Variants in IL17RD observed in about 807,000 individuals in gnomAD.
The protein encoded by IL17RD is interleukin 17 receptor D.
IL17RD carries 52 observed loss-of-function variants against 80.5 expected under a neutral mutation model. The observed-to-expected ratio is 0.65, with a 90% confidence interval of 0.52 to 0.81. IL17RD has a LOEUF of 0.81. Ranked by LOEUF, IL17RD falls within the 40% of genes least tolerant of loss-of-function variation. IL17RD has a pLI of 0.00. For missense variants in IL17RD, 1,024 were observed against 955.1 expected, an observed-to-expected ratio of 1.07 and a Z score of -0.95; for synonymous variants, 416 against 391.8, an observed-to-expected ratio of 1.06 and a Z score of -0.73.
At chr3:57,153,753 T>C (rs2060246145) in intron 1 of IL17RD, among the ~76,000 whole-genome samples, 1 of 152,222 alleles carries the variant, frequency 6.6e-6, no homozygotes, top group Admixed American at 6.5e-5. Context: ...GGAATCCCCA[T>C]GTGGGGCTGT....
At chr3:57,127,306 A>T (rs1707497908) in intron 1 of IL17RD, among the ~76,000 whole-genome samples, 1 of 85,426 alleles carries the variant, frequency 1.2e-5, no homozygotes. Context: ...ATATATATAA[A>T]AATATATAAA....
Position 57,146,035 on chromosome 3 carries a change from G to A in IL17RD, c.126+19126C>T, listed in dbSNP as rs942902011. Among the ~76,000 whole-genome samples, 23 of 151,382 alleles carry A rather than the reference G, an allele frequency of 1.5e-4. No homozygotes were observed. In the South Asian group the frequency reaches 4.2e-3, roughly 27 times the overall value. ...CGTGCGCGCACACACACACTCACGC[G>A]CGCGCGCGCGCACACACACACACAC... On this transcript the variant is annotated intron_variant, in intron 1 of 12. Coordinates refer to ENST00000296318, the MANE Select transcript of IL17RD (RefSeq NM_017563.5).
Position 57,099,476 on chromosome 3 carries a change from A to G in IL17RD, c.1165-938T>C, listed in dbSNP as rs192150758. On this transcript the variant is annotated intron_variant, in intron 11 of 12. Coordinates refer to ENST00000296318, the MANE Select transcript of IL17RD (RefSeq NM_017563.5). ...TTCCTTCTGTAGTTATTAATTCCCA[A>G]TGGCTATGACGAAACACAGCAGCCA... Among the ~76,000 whole-genome samples the G allele has an allele frequency of 3.3e-5, 5 of 152,312 alleles. No homozygotes were observed. In the East Asian group the frequency reaches 5.8e-4, roughly 18 times the overall value.
At chr3:57,127,335 TAAA>T (rs375102936) in intron 1 of IL17RD, among the ~76,000 whole-genome samples, 3,402 of 89,960 alleles carry the variant, frequency 0.038, 557 homozygotes, top group African/African-American at 0.16. Flanking sequence ...TAAATATATA[TAAA>T]AATATATATA....
intron 1 of IL17RD, among the ~76,000 whole-genome samples, chr3:57,121,769 A>G (rs1435653020): frequency 6.6e-6 from 1 of 152,198 alleles, no homozygotes; most frequent in African/African-American, 2.4e-5. Context: ...TGCAGATGGC[A>G]GACACCACAG....
intron 11 of IL17RD, among the ~76,000 whole-genome samples, chr3:57,099,470 T>C (rs921191227): frequency 6.6e-6 from 1 of 152,226 alleles, no homozygotes; most frequent in African/African-American, 2.4e-5. Flanking sequence ...TAGTTATTAA[T>C]TCCCAATGGC....
intron 11 of IL17RD, among the ~76,000 whole-genome samples, chr3:57,100,051 T>C (rs972654708): frequency 2.6e-5 from 4 of 152,256 alleles, no homozygotes; most frequent in Non-Finnish European, 5.9e-5. Flanking sequence ...GACAATGTTT[T>C]ATTTATCATC....
rs1353959261 is a variant in IL17RD at position 57,127,243 on chromosome 3, TATATATATAA to T, written c.127-6940_127-6931del. Among the ~76,000 whole-genome samples, 130 of 76,996 alleles carry T rather than the reference TATATATATAA, an allele frequency of 1.7e-3. 14 individuals are homozygous for T. The highest frequency in any genetic ancestry group is 3.6e-3 in the African/African-American group (52 of 14,248). 50.5% of individuals were successfully genotyped at this position (76,996 alleles called of 152,430 possible). On this transcript the variant is annotated intron_variant, in intron 1 of 12. Coordinates refer to ENST00000296318, the MANE Select transcript of IL17RD (RefSeq NM_017563.5). ...ATAAATATATATAAAAATATATAAA[TATATATATAA>T]ATATATATAAATATATATAAAAATA...
chr3:57,110,195 T>C lies in IL17RD; in HGVS notation c.427A>G (p.Thr143Ala), dbSNP rs748077970. ...GCACGTTCCCCAGTGTGACTTACAG[T>C]TCTTTTGAAGCTACTGTTGAGCTGC... ...PKQLNSSFKR[T>A]GMESQPFLNM... The change falls in exon 4 of 13, where the codon ACT (threonine) becomes GCT (alanine). Residue 143 changes from threonine (T) to alanine (A), a missense_variant and splice_region_variant. By Grantham distance (58) the Thr-to-Ala change is moderately conservative. Coordinates refer to ENST00000296318, the MANE Select transcript of IL17RD (RefSeq NM_017563.5). The C allele has an allele frequency of 1.9e-6, 3 of 1,591,506 alleles. No homozygotes were observed. Among genetic ancestry groups the C allele is most frequent in the Non-Finnish European group, 2.6e-6 (3 of 1,167,862 alleles).
At chr3:57,117,113 A>T (rs898160858) in intron 2 of IL17RD, among the ~76,000 whole-genome samples, 28 of 136,140 alleles carry the variant, frequency 2.1e-4, no homozygotes, top group African/African-American at 2.7e-4. Context: ...AAGTTTAAGA[A>T]TTTTTTTTTT....
At chr3:57,122,846 A>G (rs368416455) in intron 1 of IL17RD, among the ~76,000 whole-genome samples, 1 of 151,398 alleles carries the variant, frequency 6.6e-6, no homozygotes, top group Non-Finnish European at 1.5e-5. Flanking sequence ...CGCAAAAAGG[A>G]AACACATTCC....
intron 1 of IL17RD, chr3:57,134,385 A>G: frequency 1.4e-6 from 1 of 700,608 alleles, no homozygotes; most frequent in Non-Finnish European, 2.6e-6. Flanking sequence ...GCGAAAGGGT[A>G]CAGCCAATGC....
chr3:57,101,979 G>T (rs1214776021), intron 10 of IL17RD, among the ~76,000 whole-genome samples: 3 of 147,558 alleles, frequency 2.0e-5, no homozygotes, highest in Admixed American at 6.9e-5. Flanking sequence ...AGAATTATGG[G>T]CCAGATGCAG....
intron 1 of IL17RD, among the ~76,000 whole-genome samples, chr3:57,152,733 GT>G (rs1303586195): frequency 1.2e-4 from 19 of 152,196 alleles, no homozygotes; most frequent in African/African-American, 4.6e-4. Context: ...AATAATTCAA[GT>G]TAAACTAATG....
chr3:57,109,371 T>C (rs915513771), intron 5 of IL17RD, among the ~76,000 whole-genome samples, 166 bp downstream of exon 5: 8 of 151,944 alleles, frequency 5.3e-5, no homozygotes, highest in African/African-American at 1.9e-4. Flanking sequence ...GGTCTCGAAC[T>C]CCTGACCTTG....
intron 1 of IL17RD, among the ~76,000 whole-genome samples, chr3:57,157,335 C>A (rs1410053931): frequency 1.3e-5 from 2 of 152,110 alleles, no homozygotes; most frequent in Non-Finnish European, 2.9e-5. Flanking sequence ...ACGGGGAGTG[C>A]TCGGTACTGT....
At chr3:57,130,941 G>C (rs959941392) in intron 1 of IL17RD, among the ~76,000 whole-genome samples, 4 of 152,176 alleles carry the variant, frequency 2.6e-5, no homozygotes, top group South Asian at 2.1e-4. Flanking sequence ...CCAGCCGCCT[G>C]GGAGCCGGAC....
intron 1 of IL17RD, among the ~76,000 whole-genome samples, chr3:57,140,475 A>C (rs1707808186): frequency 6.6e-6 from 1 of 152,236 alleles, no homozygotes; most frequent in Non-Finnish European, 1.5e-5. Flanking sequence ...ATTTCAATTC[A>C]GGCAAACCAT....
chr3:57,097,718 G>A lies in IL17RD; in HGVS notation c.1985C>T (p.Ser662Leu), dbSNP rs751175296. The change falls in exon 12 of 13, where the codon TCA becomes TTA. Residue 662 changes from serine (S) to leucine (L), a missense_variant. Transcript: ENST00000296318. ...GGGCACAGACGAGTCATAGATGCCT[G>A]AGTCCCGCGGCATGTCCGAGGGGCT... is the stretch of plus-strand genomic sequence containing the variant. ...AGSPSDMPRDSGIYDSSVPSS... is the reference protein window; with the variant it reads ...AGSPSDMPRDLGIYDSSVPSS... 1.2e-6 allele frequency: 2 copies of A among 1,603,114 alleles called. No homozygotes were observed. The highest frequency in any genetic ancestry group is 1.7e-6 in the Non-Finnish European group (2 of 1,174,072).
Sources: gnomAD v4.1 joint callset for allele counts (sites outside exome capture counted in the v4.1 genomes callset) on GRCh38, gnomAD v4.1.1 for gene constraint, MANE v1.5 for transcripts, NCBI Gene and HGNC (gene_info 2026-07-23, HGNC 2026-07-21) for gene names.